The following FLNC variants were observed in gnomAD, a reference collection of about 807,000 sequenced individuals.
The protein encoded by FLNC is filamin C, also known as filamin-C.
A neutral mutation model predicts 254.3 loss-of-function variants in FLNC; 91 were observed. The observed-to-expected ratio is 0.36, with a 90% CI of 0.30 to 0.43. FLNC has a LOEUF of 0.43. FLNC is among the 20% of genes least tolerant of loss of function. The pLI is 1.00. For synonymous variants in FLNC, 1,430 were observed against 1,577.2 expected (o/e 0.91, Z 2.21); for missense variants, 2,853 against 3,802.6 (o/e 0.75, Z 6.57).
At chr7:128,845,851 G>C (rs1808538871) in intron 21 of FLNC, 139 bp from the exon 22 acceptor site, 6 of 774,800 alleles carry the variant, frequency 7.7e-6, no homozygotes, top group East Asian at 5.4e-5. Flanking sequence ...TGGGAGAGGA[G>C]GGGGAGAGGA....
At chr7:128,834,430 A>G (rs959331267) in intron 1 of FLNC, among the ~76,000 whole-genome samples, 5 of 151,640 alleles carry the variant, frequency 3.3e-5, no homozygotes, top group Non-Finnish European at 5.9e-5. Context: ...GCCTTTGACA[A>G]CATGACTTTC....
At position 128,851,306 on chromosome 7, in the gene FLNC, G is replaced by A; in HGVS notation, c.5614G>A (p.Gly1872Ser). 1 of 1,614,118 alleles carries A rather than the reference G, an allele frequency of 6.2e-7. No individual in the cohort carries two copies. The highest frequency in any genetic ancestry group is 8.5e-7 in the Non-Finnish European group (1 of 1,180,032). The change falls in exon 34 of 48, where the codon GGC (glycine) becomes AGC (serine). Residue 1872 changes from glycine (G) to serine (S), a missense_variant. Coordinates refer to ENST00000325888, the MANE Select transcript of FLNC (RefSeq NM_001458.5). ...VSAYGPGLSHGMVNKPATFTI... is the reference protein window; with the variant it reads ...VSAYGPGLSHSMVNKPATFTI... ...TGCCTATGGGCCAGGCCTGAGCCAT[G>A]GCATGGTCAACAAGCCAGCCACCTT...
intron 26 of FLNC, 51 bp from the exon 27 acceptor site, chr7:128,848,509 AC>A (rs1808660864): frequency 3.2e-6 from 5 of 1,571,968 alleles, no homozygotes; most frequent in African/African-American, 1.4e-5. Context: ...ATCACCCCCC[AC>A]CGCCCCGTCC....
At chr7:128,832,347 G>A (rs1241837931) in intron 1 of FLNC, among the ~76,000 whole-genome samples, 3 of 152,226 alleles carry the variant, frequency 2.0e-5, no homozygotes, top group African/African-American at 7.2e-5. Flanking sequence ...GGAGTGTGTA[G>A]TGAGACTGAG....
In FLNC at chr7:128,855,947, ACCT is replaced by A. The variant is rs531425496; in HGVS notation, c.7252-567_7252-565del. Among the ~76,000 whole-genome samples, 128 of 152,128 alleles carry A rather than the reference ACCT, an allele frequency of 8.4e-4. 1 individual carries two copies. Among genetic ancestry groups the A allele is most frequent in the African/African-American group, 3.0e-3 (124 of 41,490 alleles). On this transcript the variant is annotated intron_variant, in intron 43 of 47. Transcript: ENST00000325888. ...AGGCGCACAGAATGGGCTTCACCCC[ACCT>A]CCTTCTCCCACGCGCCTCCTGGCTG...
In FLNC at chr7:128,853,540, G is replaced by A. The variant is rs188476936; in HGVS notation, c.6280G>A (p.Gly2094Arg). The part of the protein sequence containing the change: ...VDINCEDMED[G>R]TCKVTYCPTE... ...CATCAACTGTGAGGACATGGAGGACGGGACATGCAAAGTCACCTACTGCCC... is the reference window on the plus strand; with the variant it reads ...CATCAACTGTGAGGACATGGAGGACAGGACATGCAAAGTCACCTACTGCCC... The change falls in exon 38 of 48, where the codon GGG becomes AGG. Residue 2094 changes from glycine (G) to arginine (R), a missense_variant. This residue lies in a region of FLNC where 551 missense variants were observed against 835.0 expected (regional missense o/e 0.66). Transcript: ENST00000325888. 27 of 1,614,108 alleles carry A rather than the reference G, an allele frequency of 1.7e-5. No homozygotes were observed. In the East Asian group the frequency reaches 2.9e-4, roughly 17 times the overall value.
intron 1 of FLNC, among the ~76,000 whole-genome samples, chr7:128,833,144 G>GC (rs977213117): frequency 1.3e-5 from 2 of 152,242 alleles, no homozygotes; most frequent in South Asian, 2.1e-4. Flanking sequence ...CCTTGTCCTG[G>GC]CCCCCCGTTG....
Position 128,856,304 on chromosome 7 carries a change from A to G in FLNC, c.7252-214A>G, listed in dbSNP as rs1161551567. On this transcript the variant is annotated intron_variant, in intron 43 of 47. Coordinates refer to ENST00000325888, the MANE Select transcript of FLNC (RefSeq NM_001458.5). The surrounding 1 kb of genome is among the most constrained non-coding windows in gnomAD (Gnocchi z 5.9). ...ATCGTCTGTCATCTCCCACACACCA[A>G]GCACAGCTAGGATAGCAGGTGCACA... is the stretch of plus-strand genomic sequence containing the variant. Among the ~76,000 whole-genome samples the G allele has an allele frequency of 6.6e-6, 1 of 152,164 alleles. No individual in the cohort carries two copies. Among genetic ancestry groups the G allele is most frequent in the Non-Finnish European group, 1.5e-5 (1 of 68,008 alleles).
At chr7:128,844,294 G>T in intron 20 of FLNC, 28 bp downstream of exon 20, 1 of 1,584,298 alleles carries the variant, frequency 6.3e-7, no homozygotes, top group Non-Finnish European at 8.6e-7. Flanking sequence ...GGTTGGGGCT[G>T]GGAGTTGGGG....
chr7:128,837,309 T>A, intron 3 of FLNC, 52 bp downstream of exon 3: 1 of 1,608,474 alleles, frequency 6.2e-7, no homozygotes. Flanking sequence ...AGAGGTTGGG[T>A]CTGTAAGTTT....
rs1239246149 is a variant in FLNC at position 128,850,408 on chromosome 7, G to A, written c.5323G>A (p.Val1775Met). The stretch of plus-strand genomic sequence containing the variant: ...GGCCACAGAGGAGCCAGTGGTGCCT[G>A]TGGAGCCAATGGAGTCCATGCTGAG... Reference protein sequence around the residue: ...HWATEEPVVPVEPMESMLRPF... With the variant: ...HWATEEPVVPMEPMESMLRPF... Residue 1775 changes from valine (V) to methionine (M), a missense_variant, in exon 32 of 48, where the codon GTG becomes ATG. Around this residue, in one of 10 missense-constraint regions of FLNC, gnomAD observed 258 missense variants for 312.3 expected, o/e 0.83. Coordinates refer to ENST00000325888, the MANE Select transcript of FLNC (RefSeq NM_001458.5). The A allele has an allele frequency of 6.2e-7, 1 of 1,614,048 alleles. No individual in the cohort carries two copies.
In FLNC at chr7:128,844,894, G is replaced by A. The variant is rs780592878; in HGVS notation, c.3429G>A (p.Ser1143=). 1.2e-5 allele frequency: 19 copies of A among 1,613,784 alleles called. No individual in the cohort carries two copies. Among genetic ancestry groups the A allele is most frequent in the East Asian group, 4.5e-5 (2 of 44,884 alleles). The change falls in exon 21 of 48, where the codon TCG becomes TCA. Residue 1143 remains serine (S), a synonymous_variant. Coordinates refer to ENST00000325888, the MANE Select transcript of FLNC (RefSeq NM_001458.5). The part of the protein sequence containing the change: ...ILFAEAHIPG[S]PFKATIRPVF... ...TTGCTGAGGCCCACATCCCTGGCTC[G>A]CCCTTCAAAGCCACCATTCGGCCTG...
rs755019331 is a variant in FLNC, at chr7:128,856,782, C to T, written c.7422C>T (p.Gly2474=). The stretch of plus-strand genomic sequence containing the variant: ...TCCGCTTCATCCCCCACGAGAATGG[C>T]GTCCACTCCATCGATGTCAAGTTCA... ...HTIRFIPHEN[G]VHSIDVKFNG... The change falls in exon 45 of 48, where the codon GGC becomes GGT. Residue 2474 remains glycine, a synonymous_variant. Transcript: ENST00000325888. This position sits in a 1 kb window ranked among gnomAD's most constrained non-coding sequence, Gnocchi z 5.9. The T allele has an allele frequency of 6.8e-6, 11 of 1,614,176 alleles. No individual in the cohort carries two copies. Among genetic ancestry groups the T allele is most frequent in the Middle Eastern group, 1.6e-4 (1 of 6,062 alleles).
Position 128,850,818 on chromosome 7 carries a change from C to T in FLNC, c.5414C>T (p.Pro1805Leu), listed in dbSNP as rs2128938211. The T allele has an allele frequency of 6.2e-7, 1 of 1,613,688 alleles. No individual in the cohort carries two copies. The highest frequency in any genetic ancestry group is 1.1e-5 in the South Asian group (1 of 91,062). Residue 1805 changes from proline to leucine, a missense_variant, in exon 33 of 48, where the codon CCC (proline) becomes CTC (leucine). Around this residue, in one of 10 missense-constraint regions of FLNC, gnomAD observed 258 missense variants for 312.3 expected, o/e 0.83. Coordinates refer to ENST00000325888, the MANE Select transcript of FLNC (RefSeq NM_001458.5). ...KGELTGEVRM[P>L]SGKTARPNIT... The stretch of plus-strand genomic sequence containing the variant: ...TGCCCTGCAGGAGAGGTGCGGATGC[C>T]CTCGGGGAAGACGGCACGGCCCAAC...
rs1215614256 is a variant in FLNC, at chr7:128,853,712, C to T, written c.6362-3C>T. ...CCTGACCCACCCTTTGTCCCCACTT[C>T]AGGAAGCCCCTTCACTGTGAAGGTG... On this transcript the variant is annotated splice_polypyrimidine_tract_variant and splice_region_variant and intron_variant, in intron 38 of 47. Coordinates refer to ENST00000325888, the MANE Select transcript of FLNC (RefSeq NM_001458.5). 1 of 1,613,816 alleles carries T rather than the reference C, an allele frequency of 6.2e-7. No homozygotes were observed. The highest frequency in any genetic ancestry group is 1.3e-5 in the African/African-American group (1 of 74,950).
rs182528988 is a variant in FLNC, at chr7:128,831,296, C to T, written c.352+307C>T. Among the ~76,000 whole-genome samples, 93 of 152,340 alleles carry T rather than the reference C, an allele frequency of 6.1e-4. No individual in the cohort carries two copies. The East Asian group carries it at 0.013, about 22-fold the overall frequency. On this transcript the variant is annotated intron_variant, in intron 1 of 47. Coordinates refer to ENST00000325888, the MANE Select transcript of FLNC (RefSeq NM_001458.5). ...CCACCTCCCGCCTCGGCTCACCGTT[C>T]CCTTTCCTTCCATCGGGCAACCCTA...
Position 128,837,659 on chromosome 7 carries a change from C to A in FLNC, c.873C>A (p.Thr291=). Residue 291 remains threonine (T), a synonymous_variant, in exon 5 of 48, where the codon ACC becomes ACA. Coordinates refer to ENST00000325888, the MANE Select transcript of FLNC (RefSeq NM_001458.5). ...TAGGCATCGAGCCACAGGGCAACAC[C>A]GTGCTGCAGCCTGCCCACTTCACCG... ...YGPGIEPQGN[T]VLQPAHFTVQ... is the part of the protein sequence containing the mutation. 6.2e-7 allele frequency: 1 copy of A among 1,612,476 alleles called. No homozygotes were observed. The highest frequency in any genetic ancestry group is 8.5e-7 in the Non-Finnish European group (1 of 1,179,984).
At chr7:128,853,215 C>A in intron 37 of FLNC, 184 bp downstream of exon 37, 1 of 725,696 alleles carries the variant, frequency 1.4e-6, no homozygotes, top group Non-Finnish European at 2.4e-6. Flanking sequence ...AGTTCTCTCC[C>A]TTTTAAGAGA....
Position 128,850,759 on chromosome 7 carries a change from G to C in FLNC, c.5399-44G>C. 5 of 1,613,076 alleles carry C rather than the reference G, an allele frequency of 3.1e-6. No individual in the cohort carries two copies. The Middle Eastern group carries it at 6.7e-4, about 216-fold the overall frequency. ...GGCCTGGGACAGCAGGGAGGTTGCA[G>C]TGGGGGAAACCAGGGTCTCCACGTA... On this transcript the variant is annotated intron_variant, in intron 32 of 47. Coordinates refer to ENST00000325888, the MANE Select transcript of FLNC (RefSeq NM_001458.5).
Sources: gnomAD v4.1 joint callset for allele counts (sites outside exome capture counted in the v4.1 genomes callset) on GRCh38, gnomAD v4.1.1 for gene constraint, gnomAD v4.1.1 regional missense constraint, Gnocchi (gnomAD v3.1) non-coding constraint, MANE v1.5 for transcripts, NCBI Gene and HGNC (gene_info 2026-07-23, HGNC 2026-07-21) for gene names.